The following ESRRG variants were observed in gnomAD, a reference collection of about 807,000 sequenced individuals.
The protein encoded by ESRRG is estrogen related receptor gamma, also known as estrogen-related receptor gamma.
ESRRG carries 13 observed loss-of-function variants against 44.0 expected under a neutral mutation model. That is an observed-to-expected ratio of 0.30 (90% CI 0.19 to 0.47). ESRRG has a LOEUF of 0.47. Among genes scored for constraint, ESRRG ranks in the 20% least tolerant of loss-of-function variants. The probability of loss-of-function intolerance (pLI) is 1.00; values close to 1 mark genes in which losing one functional copy is unlikely to be tolerated. For missense variants in ESRRG, 395 were observed against 580.6 expected, an observed-to-expected ratio of 0.68 and a Z score of 3.29; for synonymous variants, 215 against 214.6, an observed-to-expected ratio of 1.00 and a Z score of -0.02.
At chr1:216,959,744 G>T (rs1013907062) in intron 1 of ESRRG, 6 of 151,976 alleles carry the variant, frequency 3.9e-5, no homozygotes, top group Admixed American at 3.3e-4. Flanking sequence ...GAGACTGAGT[G>T]AGCACGTGAA....
At chr1:216,521,682 C>T (rs147505715) in intron 5 of ESRRG, among the ~76,000 whole-genome samples, 17 of 152,148 alleles carry the variant, frequency 1.1e-4, no homozygotes, top group African/African-American at 2.2e-4. Flanking sequence ...ATCTTTCTGC[C>T]GAATAATTAA....
intron 2 of ESRRG, among the ~76,000 whole-genome samples, chr1:216,749,962 CTCA>C (rs1392396278): frequency 2.0e-5 from 3 of 152,118 alleles, no homozygotes; most frequent in African/African-American, 7.2e-5. Flanking sequence ...TGTTAATAAA[CTCA>C]AATAGCTAGT....
intron 2 of ESRRG, among the ~76,000 whole-genome samples, chr1:216,808,877 T>TA (rs1178524973): frequency 6.6e-6 from 1 of 152,196 alleles, no homozygotes; most frequent in Non-Finnish European, 1.5e-5. Context: ...TCAAGTTTCA[T>TA]ATGATATAAT....
At chr1:216,803,660 T>C (rs1422803263) in intron 2 of ESRRG, among the ~76,000 whole-genome samples, 3 of 152,280 alleles carry the variant, frequency 2.0e-5, no homozygotes, top group East Asian at 3.9e-4. Flanking sequence ...GTCGAGCCTC[T>C]GCCTTTGGTC....
At chr1:217,106,629 T>C (rs1011511076) in intron 1 of ESRRG, among the ~76,000 whole-genome samples, 1 of 152,146 alleles carries the variant, frequency 6.6e-6, no homozygotes, top group African/African-American at 2.4e-5. Context: ...GAAATTCCCT[T>C]AGCAGTCTTC....
At chr1:216,622,783 C>G (rs2062486403) in intron 3 of ESRRG, among the ~76,000 whole-genome samples, 1 of 152,088 alleles carries the variant, frequency 6.6e-6, no homozygotes, top group Admixed American at 6.5e-5. Flanking sequence ...TTACACATTT[C>G]TTTATCAAAA....
At chr1:216,634,158 A>C (rs991830638) in intron 3 of ESRRG, among the ~76,000 whole-genome samples, 1 of 152,190 alleles carries the variant, frequency 6.6e-6, no homozygotes, top group Non-Finnish European at 1.5e-5. Context: ...TCTGAAGCAT[A>C]ATGCTTCAGG....
chr1:217,130,012 C>T (rs1030519224), intron 1 of ESRRG, among the ~76,000 whole-genome samples: 1 of 151,974 alleles, frequency 6.6e-6, no homozygotes, highest in African/African-American at 2.4e-5. Context: ...TTAACTTGAA[C>T]CCCCAGCAGA....
At chr1:217,047,543 A>G (rs767733759) in intron 1 of ESRRG, among the ~76,000 whole-genome samples, 20 of 152,226 alleles carry the variant, frequency 1.3e-4, no homozygotes, top group Non-Finnish European at 1.9e-4. Context: ...CAAGCTACGA[A>G]TATCTTTCTG....
At chr1:216,676,149 A>G (rs993635213) in intron 2 of ESRRG, among the ~76,000 whole-genome samples, 3 of 152,218 alleles carry the variant, frequency 2.0e-5, no homozygotes, top group Non-Finnish European at 4.4e-5. Flanking sequence ...GAATTACAAG[A>G]GACCTAAAAA....
At chr1:216,659,596 C>T (rs1467647302) in intron 2 of ESRRG, among the ~76,000 whole-genome samples, 2 of 152,162 alleles carry the variant, frequency 1.3e-5, no homozygotes. Flanking sequence ...CTCAAGCTCA[C>T]CCCCTTGTCT....
intron 1 of ESRRG, among the ~76,000 whole-genome samples, chr1:217,016,711 A>G (rs1385257283): frequency 6.6e-6 from 1 of 152,144 alleles, no homozygotes; most frequent in Non-Finnish European, 1.5e-5. Context: ...TATCTCCTCT[A>G]TTTGACTTTG....
intron 2 of ESRRG, among the ~76,000 whole-genome samples, chr1:216,780,410 T>G (rs1207454199): frequency 6.6e-6 from 1 of 152,066 alleles, no homozygotes; most frequent in Non-Finnish European, 1.5e-5. Flanking sequence ...GGAGATTTTT[T>G]AAGTTGAGTT....
intron 1 of ESRRG, among the ~76,000 whole-genome samples, chr1:217,081,673 G>A (rs1447638384): frequency 6.6e-6 from 1 of 152,062 alleles, no homozygotes; most frequent in Non-Finnish European, 1.5e-5. Context: ...CCACCTCCAG[G>A]CCTCAAATAA....
intron 2 of ESRRG, among the ~76,000 whole-genome samples, chr1:216,673,437 C>T (rs2075566154): frequency 6.6e-6 from 1 of 152,220 alleles, no homozygotes; most frequent in Non-Finnish European, 1.5e-5. Context: ...CTGCCAGCTA[C>T]AAGCACAGCC....
chr1:216,824,405 C>A (rs1168698821), intron 2 of ESRRG, among the ~76,000 whole-genome samples: 1 of 151,938 alleles, frequency 6.6e-6, no homozygotes, highest in African/African-American at 2.4e-5. Context: ...GAGATCGTGT[C>A]ACTTCACTCC....
chr1:216,547,913 A>G (rs6604634), intron 5 of ESRRG, among the ~76,000 whole-genome samples: 88,434 of 151,870 alleles, frequency 0.58, 27,459 homozygotes, highest in African/African-American at 0.81. Flanking sequence ...GAGAGCATAA[A>G]GTTCTGGTAC....
intron 1 of ESRRG, among the ~76,000 whole-genome samples, chr1:216,680,661 A>G (rs1290386121): frequency 6.6e-6 from 1 of 152,196 alleles, no homozygotes; most frequent in African/African-American, 2.4e-5. Flanking sequence ...GTTGTCTCCT[A>G]ATTACTACTT....
At chr1:216,575,568 T>A (rs114263936) in intron 3 of ESRRG, among the ~76,000 whole-genome samples, 14 of 152,252 alleles carry the variant, frequency 9.2e-5, no homozygotes, top group African/African-American at 1.9e-4. Context: ...TATTAACACA[T>A]TTAATCCTTA....
Sources: gnomAD v4.1 joint callset for allele counts (sites outside exome capture counted in the v4.1 genomes callset) on GRCh38, gnomAD v4.1.1 for gene constraint, MANE v1.5 for transcripts, NCBI Gene and HGNC (gene_info 2026-07-23, HGNC 2026-07-21) for gene names.